The following TMC1 variants were observed in gnomAD, a reference collection of about 807,000 sequenced individuals.
The protein encoded by TMC1 is transmembrane channel-like protein 1.
TMC1 carries 84 observed loss-of-function variants against 105.8 expected under a neutral mutation model. The ratio of observed to expected loss-of-function variants is 0.79; its 90% confidence interval spans 0.67 to 0.95. The LOEUF is 0.95. Among genes scored for constraint, TMC1 ranks in the 40% least tolerant of loss-of-function variants. The pLI is 0.00. For synonymous variants in TMC1, 315 were observed against 311.5 expected (o/e 1.01, Z -0.12); for missense variants, 817 against 914.1 (o/e 0.89, Z 1.37).
intron 2 of TMC1, among the ~76,000 whole-genome samples, chr9:72,611,155 T>C (rs1344808381): frequency 6.6e-6 from 1 of 152,244 alleles, no homozygotes; most frequent in African/African-American, 2.4e-5. Flanking sequence ...GGAAATGTTG[T>C]CGGCTTTCTA....
intron 8 of TMC1, among the ~76,000 whole-genome samples, chr9:72,734,649 A>T (rs1369809139): frequency 6.6e-6 from 1 of 152,098 alleles, no homozygotes; most frequent in Non-Finnish European, 1.5e-5. Flanking sequence ...GATTCTCTGG[A>T]CTATTGGTTA....
intron 5 of TMC1, among the ~76,000 whole-genome samples, chr9:72,650,351 T>A (rs1825781536): frequency 6.6e-6 from 1 of 152,164 alleles, no homozygotes; most frequent in African/African-American, 2.4e-5. Context: ...ATCATAACAA[T>A]AGCTCCATTA....
At chr9:72,568,422 A>G (rs1445747033) in intron 1 of TMC1, among the ~76,000 whole-genome samples, 2 of 152,230 alleles carry the variant, frequency 1.3e-5, no homozygotes, top group Non-Finnish European at 2.9e-5. Flanking sequence ...TCAGAACACA[A>G]TAAAGCAGAA....
At chr9:72,804,142 A>C (rs775214948) in intron 17 of TMC1, among the ~76,000 whole-genome samples, 3 of 152,200 alleles carry the variant, frequency 2.0e-5, no homozygotes, top group Non-Finnish European at 4.4e-5. Context: ...ACAGAAAACC[A>C]AACACCATAT....
intron 12 of TMC1, among the ~76,000 whole-genome samples, chr9:72,770,808 G>A (rs970521114): frequency 6.6e-6 from 1 of 152,098 alleles, no homozygotes; most frequent in African/African-American, 2.4e-5. Flanking sequence ...AGGGCAGGAG[G>A]AGATGAGATG....
At chr9:72,662,485 C>G (rs1265990817) in intron 5 of TMC1, among the ~76,000 whole-genome samples, 1 of 152,004 alleles carries the variant, frequency 6.6e-6, no homozygotes, top group Non-Finnish European at 1.5e-5. Context: ...GTGTGAGCCA[C>G]TGTGCCTGGC....
intron 13 of TMC1, among the ~76,000 whole-genome samples, chr9:72,773,120 G>A (rs963792425): frequency 1.3e-5 from 2 of 152,058 alleles, no homozygotes; most frequent in Non-Finnish European, 2.9e-5. Context: ...TTTCACTGGA[G>A]AACTGATATT....
intron 5 of TMC1, among the ~76,000 whole-genome samples, chr9:72,659,239 A>G (rs1046674818): frequency 6.6e-6 from 1 of 152,232 alleles, no homozygotes; most frequent in Admixed American, 6.5e-5. Flanking sequence ...CTGAATTCTC[A>G]AAATGAGGTG....
At chr9:72,585,750 C>T (rs1258824837) in intron 2 of TMC1, among the ~76,000 whole-genome samples, 1 of 152,068 alleles carries the variant, frequency 6.6e-6, no homozygotes, top group African/African-American at 2.4e-5. Context: ...CAGATAGGAC[C>T]TGGTGGTGAG....
At chr9:72,672,823 A>AACACAC (rs34028814) in intron 5 of TMC1, among the ~76,000 whole-genome samples, 1,536 of 139,888 alleles carry the variant, frequency 0.011, 26 homozygotes, top group Admixed American at 0.043. Flanking sequence ...AAGCCTGGGC[A>AACACAC]ACACACACAC....
chr9:72,617,210 G>A (rs1172347158), intron 3 of TMC1, among the ~76,000 whole-genome samples: 13 of 152,092 alleles, frequency 8.5e-5, no homozygotes, highest in Admixed American at 8.5e-4. Flanking sequence ...TGCGCAGGCT[G>A]GAGTGCAGGG....
intron 6 of TMC1, among the ~76,000 whole-genome samples, chr9:72,693,015 G>T (rs908934392): frequency 2.0e-5 from 3 of 151,734 alleles, no homozygotes; most frequent in Admixed American, 2.0e-4. Context: ...AACTACTCAG[G>T]AGGCTGAGAC....
At chr9:72,554,453 A>G (rs1024893989) in intron 1 of TMC1, among the ~76,000 whole-genome samples, 116 of 152,164 alleles carry the variant, frequency 7.6e-4, no homozygotes, top group Non-Finnish European at 1.2e-4. Flanking sequence ...TCGTCAAAAG[A>G]CAGAACGCTG....
At chr9:72,789,389 T>C in intron 15 of TMC1, 72 bp downstream of exon 15, 3 of 1,497,086 alleles carry the variant, frequency 2.0e-6, no homozygotes, top group African/African-American at 1.4e-5. Flanking sequence ...GTTTCTTTGA[T>C]GGAACATTTA....
chr9:72,800,473 C>T (rs1365616569), intron 17 of TMC1, among the ~76,000 whole-genome samples: 1 of 152,138 alleles, frequency 6.6e-6, no homozygotes, highest in Non-Finnish European at 1.5e-5. Context: ...CTGGCCACTT[C>T]TGGAGTGAAG....
intron 2 of TMC1, among the ~76,000 whole-genome samples, chr9:72,598,801 G>C (rs908903522): frequency 1.3e-5 from 2 of 152,152 alleles, no homozygotes; most frequent in Admixed American, 6.5e-5. Context: ...CTCATGGGAG[G>C]GGGAGGACTT....
chr9:72,679,413 A>G (rs1407774226), intron 5 of TMC1, among the ~76,000 whole-genome samples: 2 of 151,478 alleles, frequency 1.3e-5, no homozygotes, highest in African/African-American at 2.4e-5. Flanking sequence ...CTATTGCCCA[A>G]CTGGCTTCAC....
chr9:72,646,717 T>G (rs1259296028), intron 4 of TMC1, among the ~76,000 whole-genome samples: 1 of 151,418 alleles, frequency 6.6e-6, no homozygotes, highest in Non-Finnish European at 1.5e-5. Flanking sequence ...CACTGCAACC[T>G]CCAATGGGCC....
At chr9:72,573,196 A>C (rs1824317138) in intron 1 of TMC1, among the ~76,000 whole-genome samples, 1 of 151,794 alleles carries the variant, frequency 6.6e-6, no homozygotes, top group South Asian at 2.1e-4. Context: ...AACCCATCAA[A>C]CTCTTCTTTC....
Sources: gnomAD v4.1 joint callset for allele counts (sites outside exome capture counted in the v4.1 genomes callset) on GRCh38, gnomAD v4.1.1 for gene constraint, MANE v1.5 for transcripts, NCBI Gene and HGNC (gene_info 2026-07-23, HGNC 2026-07-21) for gene names.